The following MYRIP variants were observed in gnomAD, a reference collection of about 807,000 sequenced individuals.
MYRIP encodes rab effector MyRIP.
MYRIP carries 49 observed loss-of-function variants against 98.0 expected under a neutral mutation model. The observed-to-expected ratio is 0.50, with a 90% CI of 0.40 to 0.63. The LOEUF (loss-of-function observed/expected upper bound fraction) is 0.63, where lower values mean the gene tolerates loss of function less well. Among genes scored for constraint, MYRIP ranks in the 30% least tolerant of loss-of-function variants. The pLI is 0.00. For synonymous variants in MYRIP, 404 were observed against 409.5 expected (o/e 0.99, Z 0.16); for missense variants, 1,004 against 1,058.2 (o/e 0.95, Z 0.71).
chr3:40,121,648 G>C (rs916274098), intron 3 of MYRIP, among the ~76,000 whole-genome samples: 1 of 152,120 alleles, frequency 6.6e-6, no homozygotes, highest in South Asian at 2.1e-4. Context: ...GTGCCCCACT[G>C]GTGCAAACCC....
chr3:39,963,687 A>T (rs1945376438), intron 2 of MYRIP, among the ~76,000 whole-genome samples: 1 of 152,160 alleles, frequency 6.6e-6, no homozygotes, highest in African/African-American at 2.4e-5. Context: ...GATATTCTAC[A>T]TGTCCAAAGT....
In MYRIP at chr3:40,244,487, G is replaced by A. The variant is rs1397719939; in HGVS notation, c.2142G>A (p.Gln714=). ...GCACTGTGTATGGACTGGAGACCCAGCTGACTGAGCTAGAAGATGCCGCCC... is the reference window on the plus strand; with the variant it reads ...GCACTGTGTATGGACTGGAGACCCAACTGACTGAGCTAGAAGATGCCGCCC... ...AAGTVYGLET[Q]LTELEDAARC... is the part of the protein sequence containing the mutation. The change falls in exon 13 of 17, where the codon CAG becomes CAA. Residue 714 remains glutamine, a synonymous_variant. Coordinates refer to ENST00000302541, the MANE Select transcript of MYRIP (RefSeq NM_015460.4). The A allele has an allele frequency of 6.2e-7, 1 of 1,613,942 alleles. No homozygotes were observed. The highest frequency in any genetic ancestry group is 1.1e-5 in the South Asian group (1 of 91,042).
At chr3:39,957,811 G>T (rs1374768910) in intron 2 of MYRIP, among the ~76,000 whole-genome samples, 1 of 152,198 alleles carries the variant, frequency 6.6e-6, no homozygotes. Context: ...TCCGTAAGCT[G>T]ATAAGCAACT....
rs1344371839 is a variant in MYRIP at position 40,162,794 on chromosome 3, T to G, written c.534T>G (p.Phe178Leu). 6.2e-7 allele frequency: 1 copy of G among 1,614,008 alleles called. No individual in the cohort carries two copies. The highest frequency in any genetic ancestry group is 1.1e-5 in the South Asian group (1 of 91,064). The change falls in exon 5 of 17, where the codon TTT (phenylalanine) becomes TTG (leucine). Residue 178 changes from phenylalanine (F) to leucine (L), a missense_variant. Phe to Leu is a conservative substitution (Grantham distance 22). This residue lies in a region of MYRIP where 880 missense variants were observed against 907.7 expected (regional missense o/e 0.97). Transcript: ENST00000302541. ...EGSISGSDST[F>L]YRQSEGHSVM... is the part of the protein sequence containing the mutation. ...GCATTTCTGGCAGTGATTCAACATT[T>G]TATAGGCAGTCAGAAGGTAAAGTTG...
chr3:39,820,232 G>A (rs1478547929), intron 1 of MYRIP, among the ~76,000 whole-genome samples: 1 of 152,220 alleles, frequency 6.6e-6, no homozygotes, highest in African/African-American at 2.4e-5. Context: ...TCAGATAACA[G>A]TGTCCTGTGA....
chr3:40,073,001 A>G (rs7628232), intron 3 of MYRIP, among the ~76,000 whole-genome samples: 64,923 of 151,656 alleles, frequency 0.43, 14,229 homozygotes, highest in Admixed American at 0.49. Flanking sequence ...TATTAAAAAT[A>G]TTCATATTTT....
In MYRIP at chr3:40,162,688, G is replaced by A. The variant is rs1040419895; in HGVS notation, c.470-42G>A. ...GCATCAGGGTTCACTGAAGACCTTT[G>A]ATAATCATATTCATTCTCTTCTCCC... On this transcript the variant is annotated intron_variant, in intron 4 of 16. Transcript: ENST00000302541. The A allele has an allele frequency of 4.5e-6, 7 of 1,566,914 alleles. No individual in the cohort carries two copies. The African/African-American group carries it at 6.8e-5, about 15-fold the overall frequency.
chr3:39,907,210 C>T (rs550047336), intron 2 of MYRIP, among the ~76,000 whole-genome samples: 1 of 152,272 alleles, frequency 6.6e-6, no homozygotes, highest in East Asian at 1.9e-4. Flanking sequence ...ATTTTAAGAA[C>T]TTTTTCTTCA....
intron 3 of MYRIP, among the ~76,000 whole-genome samples, chr3:40,067,746 A>G (rs1223341470): frequency 8.3e-6 from 1 of 119,766 alleles, no homozygotes; most frequent in Non-Finnish European, 1.8e-5. Flanking sequence ...GATACCCTGA[A>G]ATGAGGTCTA....
chr3:40,171,899 G>A (rs1193272902), intron 8 of MYRIP, among the ~76,000 whole-genome samples: 1 of 152,216 alleles, frequency 6.6e-6, no homozygotes, highest in African/African-American at 2.4e-5. Context: ...ACATGGCTGG[G>A]GAGGCCACAC....
At chr3:39,996,858 T>C (rs1304772567) in intron 2 of MYRIP, among the ~76,000 whole-genome samples, 1 of 152,096 alleles carries the variant, frequency 6.6e-6, no homozygotes, top group Non-Finnish European at 1.5e-5. Flanking sequence ...GCAATCAAAC[T>C]AGGACTCAGG....
intron 2 of MYRIP, among the ~76,000 whole-genome samples, chr3:39,941,914 C>A (rs1944794638): frequency 6.8e-6 from 1 of 146,162 alleles, no homozygotes; most frequent in Admixed American, 6.6e-5. Context: ...CTGAGACACA[C>A]CACCAAGTTG....
rs145846823 is a variant in MYRIP, at chr3:40,091,330, G to A, written c.332+47059G>A. On this transcript the variant is annotated intron_variant, in intron 3 of 16. Coordinates refer to ENST00000302541, the MANE Select transcript of MYRIP (RefSeq NM_015460.4). ...TCCTTCTAGTACTAGCCACTGACCT[G>A]TTATGCTGGGATTATCCCCAGCTGA... 2.3e-3 allele frequency among the ~76,000 whole-genome samples: 302 copies of A among 128,768 alleles called. 5 individuals are homozygous for A. The highest frequency in any genetic ancestry group is 7.8e-3 in the African/African-American group (287 of 36,628). The allele number at this position is 128,768 out of a possible 152,430, so 84.5% of individuals were successfully genotyped here.
In MYRIP at chr3:39,919,727, T is replaced by TGTGAGAGAGA. The variant is rs1553645683; in HGVS notation, c.110+18802_110+18803insTGAGAGAGAG. Reference sequence around the variant, plus strand: ...GTGTGTGTGTGTGTGTGTGTGTGTGTGAGAGAGAGAGAGAGAGAGAGAAAT... The same window carrying TGTGAGAGAGA: ...GTGTGTGTGTGTGTGTGTGTGTGTGTGTGAGAGAGAGAGAGAGAGAGAGAGAGAGAGAAAT... On this transcript the variant is annotated intron_variant, in intron 2 of 16. Coordinates refer to ENST00000302541, the MANE Select transcript of MYRIP (RefSeq NM_015460.4). Among the ~76,000 whole-genome samples the TGTGAGAGAGA allele has an allele frequency of 3.2e-5, 4 of 123,494 alleles. No individual in the cohort carries two copies. The South Asian group carries it at 7.9e-4, about 25-fold the overall frequency. 81.0% of individuals were successfully genotyped at this position (123,494 alleles called of 152,430 possible).
chr3:40,057,581 T>G (rs2125844885), intron 3 of MYRIP, among the ~76,000 whole-genome samples: 1 of 152,284 alleles, frequency 6.6e-6, no homozygotes, highest in South Asian at 2.1e-4. Flanking sequence ...CAGTGGCTTC[T>G]CACAGACCAC....
At position 39,988,597 on chromosome 3, in the gene MYRIP, A is replaced by C. The variant is rs1294630899; in HGVS notation, c.111-55453A>C. On this transcript the variant is annotated intron_variant, in intron 2 of 16. Coordinates refer to ENST00000302541, the MANE Select transcript of MYRIP (RefSeq NM_015460.4). ...GGAAGTTCTCCTGGATAATATTCTC[A>C]AGTGTGTTTTCCAGCTCGGTTCCAT... Among the ~76,000 whole-genome samples, 3 of 151,060 alleles carry C rather than the reference A, an allele frequency of 2.0e-5. No homozygotes were observed. The East Asian group carries it at 5.9e-4, about 30-fold the overall frequency.
At chr3:39,988,596 C>T (rs979413043) in intron 2 of MYRIP, among the ~76,000 whole-genome samples, 13 of 151,860 alleles carry the variant, frequency 8.6e-5, no homozygotes, top group Non-Finnish European at 1.6e-4. Context: ...ATAATATTCT[C>T]AAGTGTGTTT....
intron 1 of MYRIP, among the ~76,000 whole-genome samples, chr3:39,847,770 C>A (rs1942010919): frequency 6.6e-6 from 1 of 152,178 alleles, no homozygotes; most frequent in Non-Finnish European, 1.5e-5. Flanking sequence ...CCTCCCTGAG[C>A]CTCTCTGGCT....
intron 2 of MYRIP, among the ~76,000 whole-genome samples, chr3:39,950,828 G>C (rs1047563107): frequency 6.6e-6 from 1 of 152,174 alleles, no homozygotes; most frequent in Non-Finnish European, 1.5e-5. Flanking sequence ...TTTTTAAATA[G>C]TTGTTGATTG....
Sources: gnomAD v4.1 joint callset for allele counts (sites outside exome capture counted in the v4.1 genomes callset) on GRCh38, gnomAD v4.1.1 for gene constraint, gnomAD v4.1.1 regional missense constraint, MANE v1.5 for transcripts, NCBI Gene and HGNC (gene_info 2026-07-23, HGNC 2026-07-21) for gene names.